The following ABCG1 variants were observed in gnomAD, a reference collection of about 807,000 sequenced individuals.
ABCG1 encodes the protein ATP-binding cassette sub-family G member 1.
Under a neutral mutation model 69.2 loss-of-function variants are expected in ABCG1, and 29 were observed. The observed-to-expected ratio is 0.42, with a 90% confidence interval of 0.31 to 0.57. The LOEUF (loss-of-function observed/expected upper bound fraction) is 0.57, where lower values mean the gene tolerates loss of function less well. Among genes scored for constraint, ABCG1 ranks in the 20% least tolerant of loss-of-function variants. ABCG1 has a pLI of 0.15. For missense variants in ABCG1, 718 were observed against 898.1 expected, an observed-to-expected ratio of 0.80 and a Z score of 2.56; for synonymous variants, 370 against 374.8, an observed-to-expected ratio of 0.99 and a Z score of 0.15.
At chr21:42,270,327 G>T (rs2123726879) in intron 2 of ABCG1, among the ~76,000 whole-genome samples, 1 of 147,894 alleles carries the variant, frequency 6.8e-6, no homozygotes, top group African/African-American at 2.5e-5. Flanking sequence ...AGTTGCTTCT[G>T]TTTTATTATT....
At chr21:42,207,813 G>C (rs1001952448) in intron 2 of ABCG1, among the ~76,000 whole-genome samples, 2 of 152,200 alleles carry the variant, frequency 1.3e-5, no homozygotes, top group Non-Finnish European at 2.9e-5. Flanking sequence ...CTTAACTACT[G>C]TTCCCCACAT....
At chr21:42,263,630 A>G (rs1189450903) in intron 2 of ABCG1, among the ~76,000 whole-genome samples, 1 of 152,236 alleles carries the variant, frequency 6.6e-6, no homozygotes, top group Admixed American at 6.5e-5. Context: ...GCCATTGTCT[A>G]CGGGTTTCCT....
chr21:42,259,938 G>T (rs2068376382), intron 2 of ABCG1: 1 of 1,477,134 alleles, frequency 6.8e-7, no homozygotes, highest in Non-Finnish European at 9.0e-7. Flanking sequence ...GCAGCTGTGG[G>T]TTGGACGGTG....
At chr21:42,223,359 G>C (rs959259144) in intron 1 of ABCG1, among the ~76,000 whole-genome samples, 2 of 152,122 alleles carry the variant, frequency 1.3e-5, no homozygotes, top group African/African-American at 4.8e-5. Flanking sequence ...TCTGTGTTGC[G>C]TTAGATATCC....
intron 2 of ABCG1, among the ~76,000 whole-genome samples, chr21:42,237,730 G>T (rs1436552088): frequency 6.6e-6 from 1 of 152,208 alleles, no homozygotes; most frequent in Non-Finnish European, 1.5e-5. Context: ...GAGATGCTGG[G>T]CTGTTTTGAT....
Position 42,296,620 on chromosome 21 carries a change from G to T in ABCG1, c.*228G>T, listed in dbSNP as rs2069216186. The T allele has an allele frequency of 8.2e-6, 4 of 488,852 alleles. No homozygotes were observed. The highest frequency in any genetic ancestry group is 1.1e-5 in the Non-Finnish European group (3 of 272,266). 30.3% of individuals were successfully genotyped at this position (488,852 alleles called of 1,614,324 possible). The stretch of plus-strand genomic sequence containing the variant: ...TTAACTAGGAAGATGTAGGCAGATT[G>T]GTGGTTTTTTTTTTTTTAACATACA... On this transcript the variant is annotated 3_prime_UTR_variant, in exon 15 of 15. Coordinates refer to ENST00000398449, the MANE Select transcript of ABCG1 (RefSeq NM_016818.3). The surrounding 1 kb of genome is among the most constrained non-coding windows in gnomAD (Gnocchi z 5.4).
chr21:42,215,042 T>C (rs570093248), upstream of ABCG1, among the ~76,000 whole-genome samples: 1 of 152,342 alleles, frequency 6.6e-6, no homozygotes, highest in East Asian at 1.9e-4. Flanking sequence ...AGGTCAGGTC[T>C]GTGTGCACAT....
intron 2 of ABCG1, among the ~76,000 whole-genome samples, chr21:42,254,425 A>T (rs1400036611): frequency 6.6e-6 from 1 of 152,194 alleles, no homozygotes; most frequent in Non-Finnish European, 1.5e-5. Context: ...TAGTGGGCAA[A>T]TGATACTGTC....
chr21:42,253,494 A>G (rs994484054), intron 2 of ABCG1, among the ~76,000 whole-genome samples: 34 of 152,234 alleles, frequency 2.2e-4, no homozygotes, highest in Middle Eastern at 6.8e-3. Context: ...AAATGCCTTC[A>G]TTTGGCCAGA....
chr21:42,207,686 C>A (rs1228430316), intron 2 of ABCG1, among the ~76,000 whole-genome samples: 1 of 152,266 alleles, frequency 6.6e-6, no homozygotes, highest in Non-Finnish European at 1.5e-5. Flanking sequence ...AGGTTCCCTG[C>A]TCAGCCTTTG....
intron 2 of ABCG1, among the ~76,000 whole-genome samples, chr21:42,236,933 CA>C (rs2067985927): frequency 6.6e-6 from 1 of 152,214 alleles, no homozygotes; most frequent in Non-Finnish European, 1.5e-5. Context: ...TTAAGAATTA[CA>C]GCAGAAGCTG....
chr21:42,252,759 C>T (rs1017699204), intron 2 of ABCG1, among the ~76,000 whole-genome samples: 51 of 152,080 alleles, frequency 3.4e-4, no homozygotes, highest in Admixed American at 1.8e-3. Flanking sequence ...TCCTACTTTC[C>T]GAGCAACCAC....
chr21:42,202,209 A>T (rs1194258306), intron 2 of ABCG1, among the ~76,000 whole-genome samples: 2 of 151,850 alleles, frequency 1.3e-5, no homozygotes, highest in Non-Finnish European at 2.9e-5. Flanking sequence ...GACCCCTCTG[A>T]CTCCCCTCAC....
upstream of ABCG1, among the ~76,000 whole-genome samples, chr21:42,218,618 A>AC (rs2067668787): frequency 6.7e-6 from 1 of 148,232 alleles, no homozygotes. Context: ...GCCAGGGGTC[A>AC]CCCCACACCG....
intron 5 of ABCG1, among the ~76,000 whole-genome samples, chr21:42,280,112 C>T (rs1228408423): frequency 6.6e-6 from 1 of 152,240 alleles, no homozygotes; most frequent in East Asian, 1.9e-4. Flanking sequence ...CTGCGTCCTG[C>T]ACATGCTCCT....
upstream of ABCG1, among the ~76,000 whole-genome samples, chr21:42,212,492 T>A (rs1237768818): frequency 1.3e-5 from 2 of 152,110 alleles, no homozygotes; most frequent in Admixed American, 1.3e-4. Flanking sequence ...AACGTGTTAC[T>A]GGAAACGGGA....
At position 42,200,745 on chromosome 21, in the gene ABCG1, C is replaced by T. The variant is rs147933399; in HGVS notation, c.-99-832C>T. 6.9e-4 allele frequency among the ~76,000 whole-genome samples: 105 copies of T among 151,928 alleles called. 1 individual carries two copies. In the Middle Eastern group the frequency reaches 0.01, roughly 15 times the overall value. ...CTGGGACAACAGGCATGCACCATGACGCCCAGCTATCTTTTGTATTTTTAG... is the reference window on the plus strand; with the variant it reads ...CTGGGACAACAGGCATGCACCATGATGCCCAGCTATCTTTTGTATTTTTAG... On this transcript the variant is annotated intron_variant, in intron 1 of 15. Transcript: ENST00000398457.
At chr21:42,209,122 A>T (rs74435691) in intron 2 of ABCG1, among the ~76,000 whole-genome samples, 3,867 of 152,320 alleles carry the variant, frequency 0.025, 162 homozygotes, top group African/African-American at 0.087. Context: ...CTGAGTCCAC[A>T]GAACACTTGA....
intron 2 of ABCG1, among the ~76,000 whole-genome samples, chr21:42,243,435 C>A (rs780868995): frequency 2.1e-4 from 20 of 97,498 alleles, no homozygotes; most frequent in African/African-American, 9.7e-4. Flanking sequence ...ATTTTAATAC[C>A]GTGTGTGTGC....
Sources: allele counts gnomAD v4.1 joint callset (sites outside exome capture counted in the v4.1 genomes callset), GRCh38; gene constraint gnomAD v4.1.1; non-coding constraint Gnocchi (gnomAD v3.1); transcripts MANE v1.5; gene names NCBI Gene and HGNC (gene_info 2026-07-23, HGNC 2026-07-21).